Variants in SCAMP5 observed in about 807,000 individuals in gnomAD.
SCAMP5 encodes secretory carrier-associated membrane protein 5.
A neutral mutation model predicts 28.3 loss-of-function variants in SCAMP5; 7 were observed. The ratio of observed to expected loss-of-function variants is 0.25; its 90% CI spans 0.14 to 0.46. SCAMP5 has a LOEUF of 0.46. Among genes scored for constraint, SCAMP5 ranks in the 20% least tolerant of loss-of-function variants. The pLI is 0.99. For missense variants in SCAMP5, 192 were observed against 312.5 expected, an observed-to-expected ratio of 0.61 and a Z score of 2.91; for synonymous variants, 117 against 116.4, an observed-to-expected ratio of 1.00 and a Z score of -0.03.
intron 3 of SCAMP5, chr15:75,013,053 C>T: frequency 1.9e-6 from 1 of 531,998 alleles, no homozygotes; most frequent in Non-Finnish European, 3.4e-6. Context: ...TTCCCCTCCA[C>T]CCTCCTTTCA....
At chr15:75,014,737 A>ATT (rs2065844323) in intron 3 of SCAMP5, among the ~76,000 whole-genome samples, 1 of 152,100 alleles carries the variant, frequency 6.6e-6, no homozygotes, top group African/African-American at 2.4e-5. Context: ...AGAGAGAGAG[A>ATT]GGGGCTGAGC....
intron 1 of SCAMP5, among the ~76,000 whole-genome samples, chr15:75,000,390 C>G (rs1278011485): frequency 7.5e-6 from 1 of 133,074 alleles, no homozygotes; most frequent in African/African-American, 3.1e-5. Context: ...CCTTTAAGGC[C>G]ATTTTTTTTT....
In SCAMP5 at chr15:75,013,798, A is replaced by G. The variant is rs550039509; in HGVS notation, c.136+993A>G. 1.3e-4 allele frequency among the ~76,000 whole-genome samples: 20 copies of G among 152,322 alleles called. No homozygotes were observed. In the South Asian group the frequency reaches 2.9e-3, roughly 22 times the overall value. ...AGCTATGATCATGCTACTGCACTCC[A>G]CCCTGGGTGACAGAGTAAGAGCCTG... On this transcript the variant is annotated intron_variant, in intron 3 of 6. Transcript: ENST00000425597.
At chr15:74,998,341 C>T (rs982018681) in intron 1 of SCAMP5, among the ~76,000 whole-genome samples, 15 of 152,200 alleles carry the variant, frequency 9.9e-5, no homozygotes, top group Admixed American at 9.2e-4. Context: ...CGCGGTGGCT[C>T]ATGCCTGTAA....
At chr15:75,006,513 C>A (rs1299188289) in intron 1 of SCAMP5, among the ~76,000 whole-genome samples, 2 of 151,928 alleles carry the variant, frequency 1.3e-5, no homozygotes, top group African/African-American at 2.4e-5. Context: ...ATTGGCCGGG[C>A]ACTGTGGCTC....
chr15:75,002,664 C>T (rs1240079112), intron 1 of SCAMP5, among the ~76,000 whole-genome samples: 2 of 151,880 alleles, frequency 1.3e-5, no homozygotes, highest in South Asian at 2.1e-4. Context: ...TATGGAGACT[C>T]CACGCTCTCT....
In SCAMP5 at chr15:75,014,078, G is replaced by A. The variant is rs576361312; in HGVS notation, c.136+1273G>A. On this transcript the variant is annotated intron_variant, in intron 3 of 6. Transcript: ENST00000425597. ...TGAGCCCCAGGATCCCAAGATACCC[G>A]CAATGTAACTGCAGTTGGGTTCTGC... Among the ~76,000 whole-genome samples the A allele has an allele frequency of 2.0e-4, 30 of 152,202 alleles. No homozygotes were observed. In the South Asian group the frequency reaches 5.4e-3, roughly 27 times the overall value.
chr15:75,015,003 A>G (rs924628130), intron 3 of SCAMP5, among the ~76,000 whole-genome samples: 3 of 152,204 alleles, frequency 2.0e-5, no homozygotes, highest in Admixed American at 2.0e-4. Flanking sequence ...GAGATGGGTG[A>G]CACGGTGGTC....
intron 1 of SCAMP5, among the ~76,000 whole-genome samples, chr15:75,005,437 GC>G (rs2065747843): frequency 6.7e-6 from 1 of 149,838 alleles, no homozygotes; most frequent in South Asian, 2.1e-4. Context: ...TCCATCCTAG[GC>G]AATAAGAGCG....
chr15:75,016,830 T>C, intron 4 of SCAMP5, 81 bp downstream of exon 4: 2 of 152,130 alleles, frequency 1.3e-5, no homozygotes, highest in Non-Finnish European at 2.5e-5. Context: ...TTCTCACTTC[T>C]TTTTTTTTTT....
At chr15:75,017,515 G>A (rs929883659) in intron 4 of SCAMP5, 47 of 486,472 alleles carry the variant, frequency 9.7e-5, no homozygotes, top group Middle Eastern at 1.1e-3. Context: ...ATCCATCCAT[G>A]TACCAGTGGA....
In SCAMP5 at chr15:75,018,956, C is replaced by A. The variant is rs768549233; in HGVS notation, c.681C>A (p.Pro227=). The A allele has an allele frequency of 7.8e-6, 12 of 1,533,644 alleles. No individual in the cohort carries two copies. The highest frequency in any genetic ancestry group is 9.6e-6 in the Non-Finnish European group (11 of 1,148,918). ...CTCAGACTCAGTATTCCGCCACCCCCAATTACACGTACTCCAATGAGATGT... is the reference window on the plus strand; with the variant it reads ...CTCAGACTCAGTATTCCGCCACCCCAAATTACACGTACTCCAATGAGATGT... ...NQPQTQYSAT[P]NYTYSNEM The change falls in exon 7 of 7, where the codon CCC becomes CCA. Residue 227 remains proline, a synonymous_variant. Transcript: ENST00000425597. The surrounding 1 kb of genome is among the most constrained non-coding windows in gnomAD (Gnocchi z 5.6).
chr15:75,013,173 C>T (rs542607824), intron 3 of SCAMP5: 1 of 190,822 alleles, frequency 5.2e-6, no homozygotes, highest in Admixed American at 5.8e-5. Context: ...ACTGTCAGGA[C>T]CTCAGGATTC....
In SCAMP5 at chr15:75,018,685, G is replaced by T; in HGVS notation, c.514-104G>T. On this transcript the variant is annotated intron_variant, in intron 6 of 6. Coordinates refer to ENST00000425597, the MANE Select transcript of SCAMP5 (RefSeq NM_138967.4). The surrounding 1 kb of genome is among the most constrained non-coding windows in gnomAD (Gnocchi z 5.6). ...AGGACTCTCCTACAGAGGCATTCAT[G>T]GGGAGGGAGCACTGTTTTTTTTTTA... is the stretch of plus-strand genomic sequence containing the variant. The T allele has an allele frequency of 9.5e-7, 1 of 1,048,584 alleles. No homozygotes were observed. The highest frequency in any genetic ancestry group is 1.3e-5 in the South Asian group (1 of 75,342). 65.0% of individuals were successfully genotyped at this position (1,048,584 alleles called of 1,614,324 possible).
Position 75,019,131 on chromosome 15 carries a change from A to ATATG in SCAMP5, c.*152_*155dup. 1 of 477,852 alleles carries ATATG rather than the reference A, an allele frequency of 2.1e-6. No homozygotes were observed. The highest frequency in any genetic ancestry group is 4.8e-5 in the South Asian group (1 of 20,962). 29.6% of individuals were successfully genotyped at this position (477,852 alleles called of 1,614,324 possible). ...AAGGACCAGAGTTATATATATATAT[A>ATATG]TATGTATATGTCTGTACCCCAGCCC... On this transcript the variant is annotated 3_prime_UTR_variant, in exon 7 of 7. Coordinates refer to ENST00000425597, the MANE Select transcript of SCAMP5 (RefSeq NM_138967.4).
rs2065792244 is a variant in SCAMP5, at chr15:75,009,498, A to G, written c.-48-2294A>G. Among the ~76,000 whole-genome samples the G allele has an allele frequency of 2.1e-5, 3 of 140,966 alleles. No homozygotes were observed. In the South Asian group the frequency reaches 7.1e-4, roughly 33 times the overall value. The allele number at this position is 140,966 out of a possible 152,430, so 92.5% of individuals were successfully genotyped here. On this transcript the variant is annotated intron_variant, in intron 1 of 6. Coordinates refer to ENST00000425597, the MANE Select transcript of SCAMP5 (RefSeq NM_138967.4). ...GTGTGTGTGTGCTTTTTTTCCTTTG[A>G]GACAGTCTTGCTCTGTTGCCCAGGC...
chr15:75,005,813 C>T (rs1177960994), intron 1 of SCAMP5, among the ~76,000 whole-genome samples: 1 of 151,944 alleles, frequency 6.6e-6, no homozygotes, highest in Admixed American at 6.6e-5. Context: ...CAACCTCCGC[C>T]TCCCGGGTTC....
chr15:74,998,797 C>T (rs1555410160), intron 1 of SCAMP5, among the ~76,000 whole-genome samples: 2 of 152,008 alleles, frequency 1.3e-5, no homozygotes, highest in Non-Finnish European at 2.9e-5. Flanking sequence ...CCTTTATATA[C>T]AAACAAGGCA....
chr15:75,004,672 G>T (rs188470397), intron 1 of SCAMP5, among the ~76,000 whole-genome samples: 48 of 152,074 alleles, frequency 3.2e-4, no homozygotes, highest in African/African-American at 1.1e-3. Flanking sequence ...TGAGACTGCA[G>T]TGAGCTGTGA....
Sources: allele counts gnomAD v4.1 joint callset (sites outside exome capture counted in the v4.1 genomes callset), GRCh38; gene constraint gnomAD v4.1.1; non-coding constraint Gnocchi (gnomAD v3.1); transcripts MANE v1.5; gene names NCBI Gene and HGNC (gene_info 2026-07-23, HGNC 2026-07-21).